The following DNMT1 variants were observed in gnomAD, a reference collection of about 807,000 sequenced individuals.
DNMT1 encodes the protein DNA (cytosine-5)-methyltransferase 1.
In DNMT1, 24 loss-of-function variants were observed where a neutral mutation model predicts 205.3. The ratio of observed to expected loss-of-function variants is 0.12; its 90% confidence interval spans 0.08 to 0.16. DNMT1 has a LOEUF of 0.16. DNMT1 is among the 10% of genes least tolerant of loss of function. The pLI is 1.00. For missense variants in DNMT1, 1,293 were observed against 2,177.7 expected (o/e 0.59, Z 8.09); for synonymous variants, 817 against 839.8 (o/e 0.97, Z 0.47).
At chr19:10,161,391 G>A (rs1015021909) in intron 13 of DNMT1, among the ~76,000 whole-genome samples, 3 of 152,190 alleles carry the variant, frequency 2.0e-5, no homozygotes, top group African/African-American at 4.8e-5. Flanking sequence ...GCCCATGCCT[G>A]TAATTCCAGC....
intron 9 of DNMT1, among the ~76,000 whole-genome samples, chr19:10,170,294 A>T (rs541598421): frequency 6.6e-6 from 1 of 152,254 alleles, no homozygotes; most frequent in African/African-American, 2.4e-5. Flanking sequence ...CAATTAAAAA[A>T]AAAGAAAAAA....
intron 1 of DNMT1, among the ~76,000 whole-genome samples, chr19:10,183,314 C>T (rs1442459078): frequency 2.0e-5 from 3 of 151,694 alleles, no homozygotes; most frequent in East Asian, 2.0e-4. Context: ...AGGGTTTCTC[C>T]GTGTTGGTCA....
intron 1 of DNMT1, among the ~76,000 whole-genome samples, chr19:10,185,297 C>T (rs560048507): frequency 2.6e-5 from 4 of 151,722 alleles, no homozygotes; most frequent in Admixed American, 6.6e-5. Context: ...TGGTGGTGGG[C>T]GCCTGTAGTC....
At chr19:10,166,813 T>C (rs1035080798) in intron 10 of DNMT1, 128 bp from the exon 11 acceptor site, 1 of 952,960 alleles carries the variant, frequency 1.0e-6, no homozygotes, top group Non-Finnish European at 1.6e-6. Flanking sequence ...TCTCCTGTCT[T>C]CACTGCAGGA....
Position 10,160,009 on chromosome 19 carries a change from G to C in DNMT1, c.1089+9C>G, listed in dbSNP as rs753937817. The C allele has an allele frequency of 6.2e-7, 1 of 1,614,052 alleles. No individual in the cohort carries two copies. The highest frequency in any genetic ancestry group is 1.3e-5 in the African/African-American group (1 of 74,932). ...GCCGCCACCGGCTTTATTCCCGGCA[G>C]ATGTTTACCTTGGAGTTCATGACTG... On this transcript the variant is annotated intron_variant, in intron 15 of 40. Coordinates refer to ENST00000359526, the MANE Select transcript of DNMT1 (RefSeq NM_001130823.3).
rs199909957 is a variant in DNMT1, at chr19:10,149,673, G to C, written c.2382-16C>G. The C allele has an allele frequency of 6.5e-5, 105 of 1,613,194 alleles. No homozygotes were observed. The Admixed American group carries it at 1.7e-3, about 26-fold the overall frequency. On this transcript the variant is annotated splice_polypyrimidine_tract_variant and intron_variant, in intron 25 of 40. Coordinates refer to ENST00000359526, the MANE Select transcript of DNMT1 (RefSeq NM_001130823.3). The stretch of plus-strand genomic sequence containing the variant: ...CGCCGTGACCCTGGAATCAGAAGAC[G>C]GGCATGGGGAGAAAGTTCTGACTTG...
In DNMT1 at chr19:10,151,632, G is replaced by T; in HGVS notation, c.2118-87C>A. The stretch of plus-strand genomic sequence containing the variant: ...TCTTCATAACAGGGACAGGTCCTGA[G>T]ACAATGCCTAACGAAGGAATCCTGG... On this transcript the variant is annotated intron_variant, in intron 23 of 40. Coordinates refer to ENST00000359526, the MANE Select transcript of DNMT1 (RefSeq NM_001130823.3). This position sits in a 1 kb window ranked among gnomAD's most constrained non-coding sequence, Gnocchi z 5.0. 1 of 1,609,640 alleles carries T rather than the reference G, an allele frequency of 6.2e-7. No homozygotes were observed. Among genetic ancestry groups the T allele is most frequent in the Non-Finnish European group, 8.5e-7 (1 of 1,178,002 alleles).
At chr19:10,139,168 C>T (rs1006112211) in intron 34 of DNMT1, among the ~76,000 whole-genome samples, 2 of 152,244 alleles carry the variant, frequency 1.3e-5, no homozygotes, top group Non-Finnish European at 2.9e-5. Context: ...CTGGGCCCCA[C>T]AGACTATGTC....
At chr19:10,150,082 C>T (rs917006887) in intron 24 of DNMT1, 114 bp from the exon 25 acceptor site, 11 of 910,214 alleles carry the variant, frequency 1.2e-5, no homozygotes, top group Non-Finnish European at 2.0e-5. Context: ...ATTAAGAAGT[C>T]AATGAAGAGT....
At chr19:10,168,415 C>A in intron 9 of DNMT1, 51 bp from the exon 10 acceptor site, 1 of 1,590,880 alleles carries the variant, frequency 6.3e-7, no homozygotes, top group Non-Finnish European at 8.6e-7. Flanking sequence ...TGGTTTGGAT[C>A]TTTCTATTAA....
At chr19:10,152,464 C>T (rs140599011) in intron 22 of DNMT1, among the ~76,000 whole-genome samples, 1,610 of 151,772 alleles carry the variant, frequency 0.011, 32 homozygotes, top group African/African-American at 0.037. Flanking sequence ...CCCAACTCTA[C>T]AAAAAATTAA....
At chr19:10,188,557 C>T (rs918613641) in intron 1 of DNMT1, among the ~76,000 whole-genome samples, 5 of 152,006 alleles carry the variant, frequency 3.3e-5, no homozygotes, top group Non-Finnish European at 7.4e-5. Context: ...GTGGACCCAC[C>T]GAAAAATGTT....
Position 10,156,503 on chromosome 19 carries a change from G to A in DNMT1, c.1287C>T (p.Tyr429=), listed in dbSNP as rs536069799. 2.2e-5 allele frequency: 35 copies of A among 1,612,386 alleles called. No individual in the cohort carries two copies. In the African/African-American group the frequency reaches 2.8e-4, roughly 13 times the overall value. Residue 429 remains tyrosine, a synonymous_variant, in exon 18 of 41, where the codon TAC becomes TAT. Transcript: ENST00000359526. The surrounding 1 kb of genome is among the most constrained non-coding windows in gnomAD (Gnocchi z 4.2). ...PQHKLTCFSV[Y]CKHGHLCPID... ...TGGGACACAGGTGACCGTGCTTACA[G>A]TACACACTAGACAGGAAACAAAGCA...
chr19:10,173,036 G>A, intron 9 of DNMT1, 54 bp downstream of exon 9: 4 of 1,604,290 alleles, frequency 2.5e-6, no homozygotes, highest in Non-Finnish European at 3.4e-6. Context: ...AAGGAAATTG[G>A]GACCATATAG....
rs1568230774 is a variant in DNMT1 at position 10,149,537 on chromosome 19, A to G, written c.2502T>C (p.Asp834=). 3.1e-6 allele frequency: 5 copies of G among 1,613,960 alleles called. No homozygotes were observed. Among genetic ancestry groups the G allele is most frequent in the Non-Finnish European group, 4.2e-6 (5 of 1,179,988 alleles). Residue 834 remains aspartate (D), a synonymous_variant, in exon 26 of 41, where the codon GAT becomes GAC. Transcript: ENST00000359526. ...TSDPLELFLV[D]ECEDMQLSYI... is the part of the protein sequence containing the mutation. ...ATGAAAGCTGCATGTCCTCACATTCATCCACCAAGAACAGCTCCAGAGGGT... is the reference window on the plus strand; with the variant it reads ...ATGAAAGCTGCATGTCCTCACATTCGTCCACCAAGAACAGCTCCAGAGGGT...
rs1376038375 is a variant in DNMT1, at chr19:10,151,297, G to A, written c.2265+101C>T. The A allele has an allele frequency of 7.8e-6, 12 of 1,543,672 alleles. No homozygotes were observed. Among genetic ancestry groups the A allele is most frequent in the South Asian group, 1.1e-5 (1 of 87,886 alleles). On this transcript the variant is annotated intron_variant, in intron 24 of 40. Transcript: ENST00000359526. This position sits in a 1 kb window ranked among gnomAD's most constrained non-coding sequence, Gnocchi z 5.0. ...GCAAACAGACAGGTTTCTTAGTGCCGGGGCTCAGGCTGCCTGAGAGGTCAG... is the reference window on the plus strand; with the variant it reads ...GCAAACAGACAGGTTTCTTAGTGCCAGGGCTCAGGCTGCCTGAGAGGTCAG...
intron 1 of DNMT1, among the ~76,000 whole-genome samples, chr19:10,190,207 C>T (rs529050248): frequency 1.9e-4 from 29 of 152,262 alleles, no homozygotes; most frequent in African/African-American, 6.5e-4. Flanking sequence ...GTGGTAGTTA[C>T]GAAAGCTAAT....
rs546442577 is a variant in DNMT1, at chr19:10,159,446, T to C, written c.1280+212A>G. On this transcript the variant is annotated intron_variant, in intron 17 of 40. Transcript: ENST00000359526. The surrounding 1 kb of genome is among the most constrained non-coding windows in gnomAD (Gnocchi z 5.0). ...CTGGTCTCGAACTCCTGACCTGAAG[T>C]GATCTGCTCACCTCGGCCTCCCAAA... Among the ~76,000 whole-genome samples the C allele has an allele frequency of 3.9e-5, 6 of 152,300 alleles. No individual in the cohort carries two copies. In the East Asian group the frequency reaches 1.2e-3, roughly 29 times the overall value.
chr19:10,182,107 A>C, intron 1 of DNMT1, 30 bp from the exon 2 acceptor site: 1 of 1,608,326 alleles, frequency 6.2e-7, no homozygotes, highest in Middle Eastern at 1.7e-4. Flanking sequence ...GAGAAAATAC[A>C]AACACTTGTT....
Sources: gnomAD v4.1 joint callset for allele counts (sites outside exome capture counted in the v4.1 genomes callset) on GRCh38, gnomAD v4.1.1 for gene constraint, Gnocchi (gnomAD v3.1) non-coding constraint, MANE v1.5 for transcripts, NCBI Gene and HGNC (gene_info 2026-07-23, HGNC 2026-07-21) for gene names.